TMEM131L: variants seen among roughly 807,000 people sequenced by gnomAD.
TMEM131L encodes the protein transmembrane 131 like.
Under a neutral mutation model 192.2 loss-of-function variants are expected in TMEM131L, and 54 were observed. The observed-to-expected ratio is 0.28, with a 90% confidence interval of 0.23 to 0.35. The LOEUF is 0.35. Among genes scored for constraint, TMEM131L ranks in the 10% least tolerant of loss-of-function variants. TMEM131L has a pLI of 1.00. For missense variants in TMEM131L, 1,888 were observed against 1,972.9 expected, an observed-to-expected ratio of 0.96 and a Z score of 0.82; for synonymous variants, 701 against 704.9, an observed-to-expected ratio of 0.99 and a Z score of 0.09.
At position 153,598,730 on chromosome 4, in the gene TMEM131L, G is replaced by T; in HGVS notation, c.2264G>T (p.Arg755Ile). The change falls in exon 21 of 35, where the codon AGA becomes ATA. Residue 755 changes from arginine (R) to isoleucine (I), a missense_variant and splice_region_variant. Transcript: ENST00000409959. Reference sequence around the variant, plus strand: ...GAGTCCACGCTGATGGACTGCCGTAGACGTGAGTTCATATGTGTGGCACTC... The same window carrying T: ...GAGTCCACGCTGATGGACTGCCGTATACGTGAGTTCATATGTGTGGCACTC... ...VPESTLMDCRRQLKDSKQILS... is the reference protein window; with the variant it reads ...VPESTLMDCRIQLKDSKQILS... 1 of 1,612,760 alleles carries T rather than the reference G, an allele frequency of 6.2e-7. No homozygotes were observed. The highest frequency in any genetic ancestry group is 1.3e-5 in the African/African-American group (1 of 75,000).
At chr4:153,541,522 A>G (rs1347535588) in intron 3 of TMEM131L, among the ~76,000 whole-genome samples, 2 of 152,218 alleles carry the variant, frequency 1.3e-5, no homozygotes, top group Non-Finnish European at 1.5e-5. Flanking sequence ...GGGCGTTGCA[A>G]GCAAGATGGT....
intron 3 of TMEM131L, among the ~76,000 whole-genome samples, chr4:153,475,885 A>G (rs1226746691): frequency 6.6e-6 from 1 of 152,226 alleles, no homozygotes; most frequent in Non-Finnish European, 1.5e-5. Flanking sequence ...GAGCATCTTC[A>G]GAATTTGATA....
intron 3 of TMEM131L, among the ~76,000 whole-genome samples, chr4:153,477,159 G>C (rs978734973): frequency 6.6e-6 from 1 of 151,944 alleles, no homozygotes; most frequent in Non-Finnish European, 1.5e-5. Flanking sequence ...CATGGAGAGA[G>C]AGCATCTAGA....
intron 31 of TMEM131L, among the ~76,000 whole-genome samples, chr4:153,631,131 G>A (rs573464221): frequency 6.6e-6 from 1 of 152,220 alleles, no homozygotes; most frequent in Non-Finnish European, 1.5e-5. Flanking sequence ...GTCCTTTTCA[G>A]TTCTGCATGG....
chr4:153,598,976 A>G (rs548227964), intron 21 of TMEM131L, among the ~76,000 whole-genome samples: 1 of 152,196 alleles, frequency 6.6e-6, no homozygotes, highest in Non-Finnish European at 1.5e-5. Context: ...GACATAAGTT[A>G]GATAGTGGTG....
intron 25 of TMEM131L, among the ~76,000 whole-genome samples, chr4:153,608,765 G>T (rs1732413504): frequency 6.6e-6 from 1 of 152,232 alleles, no homozygotes; most frequent in Non-Finnish European, 1.5e-5. Flanking sequence ...ATTGTGATTA[G>T]ATTTGAGACA....
At chr4:153,590,742 C>G (rs1300964475) in intron 16 of TMEM131L, among the ~76,000 whole-genome samples, 1 of 152,122 alleles carries the variant, frequency 6.6e-6, no homozygotes, top group African/African-American at 2.4e-5. Flanking sequence ...GTTGTACTCT[C>G]TTACCATCAC....
chr4:153,627,621 C>A lies in TMEM131L; in HGVS notation c.4141C>A (p.Pro1381Thr). 6.2e-7 allele frequency: 1 copy of A among 1,614,036 alleles called. No individual in the cohort carries two copies. The highest frequency in any genetic ancestry group is 2.2e-5 in the East Asian group (1 of 44,876). The stretch of plus-strand genomic sequence containing the variant: ...TCCCCACAGGACCGTGAATAGTCTC[C>A]CACAATACGCAGAGCCTTCCTGTCC... ...ICNPMTVNSL[P>T]QYAEPSCPSL... The change falls in exon 31 of 35, where the codon CCA (proline) becomes ACA (threonine). Residue 1381 changes from proline (P) to threonine (T), a missense_variant. Physicochemically the swap from Pro to Thr is conservative, Grantham distance 38 (BLOSUM62 -1). Coordinates refer to ENST00000409959, the MANE Select transcript of TMEM131L (RefSeq NM_001131007.2).
At chr4:153,568,792 C>G (rs945001195) in intron 7 of TMEM131L, among the ~76,000 whole-genome samples, 1 of 152,246 alleles carries the variant, frequency 6.6e-6, no homozygotes, top group East Asian at 1.9e-4. Context: ...AATAACACCT[C>G]TCTTCCTGAC....
At position 153,622,997 on chromosome 4, in the gene TMEM131L, G is replaced by A. The variant is rs923502545; in HGVS notation, c.3959G>A (p.Arg1320Gln). 1.2e-5 allele frequency: 19 copies of A among 1,614,172 alleles called. No homozygotes were observed. Among genetic ancestry groups the A allele is most frequent in the South Asian group, 4.4e-5 (4 of 91,084 alleles). ...TCCTCTGGCAGCGTGCGTGCCAGCCGGGGCAGCTGGGGGAGCTGGAGCAGC... is the reference window on the plus strand; with the variant it reads ...TCCTCTGGCAGCGTGCGTGCCAGCCAGGGCAGCTGGGGGAGCTGGAGCAGC... ...GSSSGSVRAS[R>Q]GSWGSWSSTS... The change falls in exon 29 of 35, where the codon CGG (arginine) becomes CAG (glutamine). Residue 1320 changes from arginine (R) to glutamine (Q), a missense_variant. Transcript: ENST00000409959.
At position 153,481,870 on chromosome 4, in the gene TMEM131L, C is replaced by T. The variant is rs147856142; in HGVS notation, c.239+7982C>T. ...TGTATTATTATTATTATTTTTGAGA[C>T]GGAGTCTCACTCTGTCAGCAGGCTG... is the stretch of plus-strand genomic sequence containing the variant. On this transcript the variant is annotated intron_variant, in intron 3 of 34. Coordinates refer to ENST00000409959, the MANE Select transcript of TMEM131L (RefSeq NM_001131007.2). Among the ~76,000 whole-genome samples the T allele has an allele frequency of 6.0e-3, 918 of 151,860 alleles. 5 individuals carry two copies. Among genetic ancestry groups the T allele is most frequent in the African/African-American group, 0.021 (874 of 41,394 alleles).
At chr4:153,492,820 G>A (rs1380966394) in intron 3 of TMEM131L, among the ~76,000 whole-genome samples, 3 of 152,268 alleles carry the variant, frequency 2.0e-5, no homozygotes, top group African/African-American at 7.2e-5. Flanking sequence ...AGGGCTGGGG[G>A]CAGGGTGGAA....
chr4:153,474,814 C>T (rs934978813), intron 3 of TMEM131L, among the ~76,000 whole-genome samples: 3 of 152,116 alleles, frequency 2.0e-5, no homozygotes, highest in Admixed American at 1.3e-4. Flanking sequence ...ACTTCGCCTC[C>T]CATAGTGCTG....
intron 2 of TMEM131L, among the ~76,000 whole-genome samples, chr4:153,470,508 A>C (rs915332085): frequency 1.3e-5 from 2 of 152,232 alleles, no homozygotes; most frequent in African/African-American, 4.8e-5. Flanking sequence ...CTGTATATCC[A>C]TGGTGATCAT....
intron 3 of TMEM131L, among the ~76,000 whole-genome samples, chr4:153,511,762 A>ATAAG (rs1015926924): frequency 6.6e-6 from 1 of 152,208 alleles, no homozygotes; most frequent in Non-Finnish European, 1.5e-5. Flanking sequence ...CATTCCAGTA[A>ATAAG]TAAGTAATAG....
In TMEM131L at chr4:153,588,283, T is replaced by C. The variant is rs547195203; in HGVS notation, c.1552+472T>C. Reference sequence around the variant, plus strand: ...GTTTCTTGTTTTGAGTTTTTTTTTTTGTTTTTTTTGTCTTTTGATTTATAG... The same window carrying C: ...GTTTCTTGTTTTGAGTTTTTTTTTTCGTTTTTTTTGTCTTTTGATTTATAG... On this transcript the variant is annotated intron_variant, in intron 15 of 34. Transcript: ENST00000409959. Among the ~76,000 whole-genome samples the C allele has an allele frequency of 4.2e-4, 64 of 150,638 alleles. 1 individual carries two copies. The highest frequency in any genetic ancestry group is 1.6e-3 in the African/African-American group (64 of 40,664).
chr4:153,564,055 G>A (rs1022138419), intron 7 of TMEM131L, among the ~76,000 whole-genome samples: 3 of 151,904 alleles, frequency 2.0e-5, no homozygotes, highest in South Asian at 2.1e-4. Context: ...TTGGGAGGCC[G>A]AGGTGGGCAG....
chr4:153,528,187 C>T (rs1158266036), intron 3 of TMEM131L, among the ~76,000 whole-genome samples: 1 of 152,164 alleles, frequency 6.6e-6, no homozygotes, highest in Non-Finnish European at 1.5e-5. Flanking sequence ...CAGCTTGCCT[C>T]TTCAGGTGGA....
chr4:153,513,954 T>C lies in TMEM131L; in HGVS notation c.240-36119T>C, dbSNP rs1003254653. Among the ~76,000 whole-genome samples, 3 of 152,336 alleles carry C rather than the reference T, an allele frequency of 2.0e-5. No homozygotes were observed. The East Asian group carries it at 5.8e-4, about 29-fold the overall frequency. ...AAATTGATTAAATATGAAACACTTA[T>C]TTTCATAACATTTTTTAGGAAAATC... is the stretch of plus-strand genomic sequence containing the variant. On this transcript the variant is annotated intron_variant, in intron 3 of 34. Transcript: ENST00000409959.
Sources: gnomAD v4.1 joint callset for allele counts (sites outside exome capture counted in the v4.1 genomes callset) on GRCh38, gnomAD v4.1.1 for gene constraint, MANE v1.5 for transcripts, NCBI Gene and HGNC (gene_info 2026-07-23, HGNC 2026-07-21) for gene names.